Variants in TMEM117 observed in about 807,000 individuals in gnomAD.
The protein encoded by TMEM117 is transmembrane protein 117.
A neutral mutation model predicts 52.4 loss-of-function variants in TMEM117; 27 were observed. The ratio of observed to expected loss-of-function variants is 0.51; its 90% CI spans 0.38 to 0.71. TMEM117 has a LOEUF of 0.71. Among genes scored for constraint, TMEM117 ranks in the 30% least tolerant of loss-of-function variants. TMEM117 has a pLI of 0.00. For synonymous variants in TMEM117, 215 were observed against 206.3 expected (o/e 1.04, Z -0.36); for missense variants, 556 against 630.5 (o/e 0.88, Z 1.26).
At chr12:44,257,820 G>A (rs1054351357) in intron 5 of TMEM117, among the ~76,000 whole-genome samples, 5 of 151,964 alleles carry the variant, frequency 3.3e-5, no homozygotes, top group Non-Finnish European at 7.4e-5. Flanking sequence ...GAGAAAATAT[G>A]GTGTTTCTAT....
At chr12:44,035,494 C>T (rs552341594) in intron 3 of TMEM117, among the ~76,000 whole-genome samples, 28 of 152,256 alleles carry the variant, frequency 1.8e-4, no homozygotes, top group Middle Eastern at 3.4e-3. Flanking sequence ...TAACCCAATA[C>T]GTTATTTAAC....
intron 3 of TMEM117, among the ~76,000 whole-genome samples, chr12:44,108,288 C>A (rs1349388148): frequency 6.9e-6 from 1 of 144,902 alleles, no homozygotes. Context: ...ATGTGCCATG[C>A]TGGTGCGCTG....
intron 3 of TMEM117, among the ~76,000 whole-genome samples, chr12:44,046,670 C>T (rs919837093): frequency 1.3e-5 from 2 of 152,190 alleles, no homozygotes; most frequent in Non-Finnish European, 2.9e-5. Context: ...ACCATGTGAC[C>T]AGCTACGGAA....
chr12:44,010,912 G>T (rs1480264338), intron 3 of TMEM117, among the ~76,000 whole-genome samples: 1 of 152,092 alleles, frequency 6.6e-6, no homozygotes, highest in African/African-American at 2.4e-5. Flanking sequence ...TGAACAAATT[G>T]TCAGAGCAAT....
intron 4 of TMEM117, among the ~76,000 whole-genome samples, chr12:44,193,202 A>G (rs894842875): frequency 2.6e-5 from 4 of 152,186 alleles, no homozygotes; most frequent in African/African-American, 7.2e-5. Flanking sequence ...GGGTGAGAGA[A>G]AGAGTATGGA....
At chr12:44,252,631 T>C (rs1161755769) in intron 5 of TMEM117, among the ~76,000 whole-genome samples, 5 of 152,194 alleles carry the variant, frequency 3.3e-5, no homozygotes, top group African/African-American at 4.8e-5. Flanking sequence ...GCACATCCCT[T>C]GGTTAAGTCT....
chr12:44,234,768 ATTAT>A (rs1378204334), intron 5 of TMEM117, among the ~76,000 whole-genome samples: 1 of 151,340 alleles, frequency 6.6e-6, no homozygotes, highest in Non-Finnish European at 1.5e-5. Flanking sequence ...TTACTTATCT[ATTAT>A]TTATTTCTGG....
chr12:44,152,431 T>C (rs1246222542), intron 4 of TMEM117, among the ~76,000 whole-genome samples: 1 of 115,818 alleles, frequency 8.6e-6, no homozygotes, highest in Non-Finnish European at 1.6e-5. Context: ...TATATTTATA[T>C]ATTATATTTA....
At chr12:43,814,477 G>A in the TMEM117 span, among the ~76,000 whole-genome samples, 1 of 152,118 alleles carries the variant, frequency 6.6e-6, no homozygotes, top group Non-Finnish European at 1.5e-5. Context: ...CTGGCCCTCT[G>A]TTCTGGGCTG....
intron 5 of TMEM117, among the ~76,000 whole-genome samples, chr12:44,220,328 CAGAGA>C (rs1227452084): frequency 2.0e-5 from 3 of 152,056 alleles, no homozygotes; most frequent in Non-Finnish European, 2.9e-5. Context: ...CTGAAGTTAA[CAGAGA>C]AGCAAGGGGT....
intron 5 of TMEM117, among the ~76,000 whole-genome samples, chr12:44,235,532 CT>C (rs1255619130): frequency 1.3e-5 from 2 of 151,616 alleles, no homozygotes; most frequent in African/African-American, 2.4e-5. Flanking sequence ...TTATACTCCC[CT>C]ATCAGTATAA....
At chr12:44,391,980 G>T (rs1320939904), downstream of TMEM117, among the ~76,000 whole-genome samples, 2 of 152,124 alleles carry the variant, frequency 1.3e-5, no homozygotes, top group Non-Finnish European at 2.9e-5. Context: ...CCTTGAGACA[G>T]CAAGAGCAAC....
At chr12:44,040,658 A>C (rs916568949) in intron 3 of TMEM117, among the ~76,000 whole-genome samples, 4 of 152,196 alleles carry the variant, frequency 2.6e-5, no homozygotes, top group Non-Finnish European at 4.4e-5. Flanking sequence ...CATTGACATG[A>C]ACTTCCAGTA....
At position 43,982,163 on chromosome 12, in the gene TMEM117, A is replaced by T. The variant is rs994869131; in HGVS notation, c.410+37821A>T. Among the ~76,000 whole-genome samples, 6 of 152,312 alleles carry T rather than the reference A, an allele frequency of 3.9e-5. No homozygotes were observed. In the East Asian group the frequency reaches 1.2e-3, roughly 29 times the overall value. The stretch of plus-strand genomic sequence containing the variant: ...CAATATGCCAATGAAAAATTTAAAA[A>T]TTTCATTTTAATGTATAAATAGGAA... On this transcript the variant is annotated intron_variant, in intron 3 of 7. Transcript: ENST00000266534.
At chr12:44,025,999 A>C (rs1192812169) in intron 3 of TMEM117, among the ~76,000 whole-genome samples, 1 of 152,190 alleles carries the variant, frequency 6.6e-6, no homozygotes, top group Non-Finnish European at 1.5e-5. Context: ...TGTAGTTGTC[A>C]GCACAAATAA....
At chr12:44,309,562 A>G (rs1432654687) in intron 6 of TMEM117, among the ~76,000 whole-genome samples, 1 of 152,148 alleles carries the variant, frequency 6.6e-6, no homozygotes, top group Admixed American at 6.5e-5. Context: ...GAGGGAGGGA[A>G]GAAGGCAGAA....
chr12:44,064,057 T>C (rs529527989), intron 3 of TMEM117, among the ~76,000 whole-genome samples: 4 of 152,100 alleles, frequency 2.6e-5, no homozygotes, highest in East Asian at 3.9e-4. Context: ...CTTGAAGGGA[T>C]TACTGAGAAC....
At chr12:43,957,982 T>C (rs2137653596) in intron 3 of TMEM117, among the ~76,000 whole-genome samples, 1 of 152,322 alleles carries the variant, frequency 6.6e-6, no homozygotes, top group South Asian at 2.1e-4. Context: ...CATTAATGAA[T>C]CACAGGAAAA....
the TMEM117 span, among the ~76,000 whole-genome samples, chr12:43,803,086 A>G: frequency 6.6e-6 from 1 of 152,212 alleles, no homozygotes; most frequent in Non-Finnish European, 1.5e-5. Context: ...GTGAAGTTAT[A>G]GCCTCAATGT....
Sources: allele counts gnomAD v4.1 joint callset (sites outside exome capture counted in the v4.1 genomes callset), GRCh38; gene constraint gnomAD v4.1.1; transcripts MANE v1.5; gene names NCBI Gene and HGNC (gene_info 2026-07-23, HGNC 2026-07-21).